Variants in ZNF235 observed in about 807,000 individuals in gnomAD.
ZNF235 encodes zfp-93.
In ZNF235, 25 loss-of-function variants were observed where a neutral mutation model predicts 29.4. The ratio of observed to expected loss-of-function variants is 0.85; its 90% CI spans 0.62 to 1.19. The LOEUF is 1.19. Among genes scored for constraint, ZNF235 ranks in the 50% most tolerant of loss-of-function variants. The pLI, the probability that ZNF235 is intolerant of heterozygous loss-of-function variation, is 0.00. For synonymous variants in ZNF235, 300 were observed against 295.3 expected, an observed-to-expected ratio of 1.02 and a Z score of -0.16; for missense variants, 788 against 885.0, an observed-to-expected ratio of 0.89 and a Z score of 1.39.
chr19:44,296,908 A>T (rs1975661549), intron 4 of ZNF235, among the ~76,000 whole-genome samples: 1 of 152,258 alleles, frequency 6.6e-6, no homozygotes, highest in Non-Finnish European at 1.5e-5. Context: ...AATAGATCAA[A>T]GAAGAAATCA....
At chr19:44,301,024 A>T (rs117417090) in intron 2 of ZNF235, among the ~76,000 whole-genome samples, 6,459 of 151,512 alleles carry the variant, frequency 0.043, 245 homozygotes, top group Non-Finnish European at 0.061. Flanking sequence ...TTAAATCTTG[A>T]GTAATTTGGT....
At chr19:44,302,970 A>ATT (rs1975766871) in intron 2 of ZNF235, among the ~76,000 whole-genome samples, 1 of 131,742 alleles carries the variant, frequency 7.6e-6, no homozygotes, top group Non-Finnish European at 1.5e-5. Flanking sequence ...ATATACGTAT[A>ATT]TATGTATATA....
intron 4 of ZNF235, 153 bp from the exon 5 acceptor site, chr19:44,289,349 T>G (rs1236792543): frequency 4.4e-6 from 3 of 677,796 alleles, no homozygotes; most frequent in Non-Finnish European, 7.1e-6. Context: ...GAAAAGCAGC[T>G]GCAACCAAGA....
At chr19:44,300,733 G>C (rs1020435299) in intron 2 of ZNF235, among the ~76,000 whole-genome samples, 3 of 151,690 alleles carry the variant, frequency 2.0e-5, no homozygotes, top group Admixed American at 6.6e-5. Context: ...CCAGCTACTC[G>C]GGGGGCTGAG....
chr19:44,302,991 A>C (rs12977181), intron 2 of ZNF235, among the ~76,000 whole-genome samples: 23 of 114,996 alleles, frequency 2.0e-4, no homozygotes, highest in East Asian at 1.2e-3. Context: ...TTTATATATA[A>C]ATATATACAT....
At position 44,304,956 on chromosome 19, in the gene ZNF235, C is replaced by T. The variant is rs1975810041; in HGVS notation, c.-49+15G>A. 1.0e-6 allele frequency: 1 copy of T among 985,150 alleles called. No individual in the cohort carries two copies. The highest frequency in any genetic ancestry group is 1.7e-5 in the African/African-American group (1 of 57,364). The allele number at this position is 985,150 out of a possible 1,614,324, so 61.0% of individuals were successfully genotyped here. ...GAGGGCTCGGAGAAGTCTTGGAGAC[C>T]CGGAGCTGACTCACCTCCCTGGGAG... is the stretch of plus-strand genomic sequence containing the variant. On this transcript the variant is annotated intron_variant, in intron 1 of 4. Coordinates refer to ENST00000291182, the MANE Select transcript of ZNF235 (RefSeq NM_004234.4).
In ZNF235 at chr19:44,288,680, G is replaced by GT; in HGVS notation, c.754dup (p.Thr252AsnfsTer4). On this transcript the variant is annotated frameshift_variant, in exon 5 of 5. Transcript: ENST00000291182. LOFTEE classifies it low-confidence loss of function (END_TRUNC). ...CTGTCCTGTGTGAATACTACGCTGG[G>GT]TAAGAGGTGATACCTTTAGGGTATC... 1 of 1,614,082 alleles carries GT rather than the reference G, an allele frequency of 6.2e-7. No individual in the cohort carries two copies. The highest frequency in any genetic ancestry group is 8.5e-7 in the Non-Finnish European group (1 of 1,180,006).
Position 44,288,671 on chromosome 19 carries a change from C to T in ZNF235, c.764G>A (p.Ser255Asn), listed in dbSNP as rs1975537181. 6.2e-7 allele frequency: 1 copy of T among 1,614,112 alleles called. No homozygotes were observed. Among genetic ancestry groups the T allele is most frequent in the East Asian group, 2.2e-5 (1 of 44,876 alleles). Residue 255 changes from serine (S) to asparagine (N), a missense_variant, in exon 5 of 5, where the codon AGT becomes AAT. Coordinates refer to ENST00000291182, the MANE Select transcript of ZNF235 (RefSeq NM_004234.4). ...GTAGGTTTTCTGTCCTGTGTGAATACTACGCTGGGTAAGAGGTGATACCTT... is the reference window on the plus strand; with the variant it reads ...GTAGGTTTTCTGTCCTGTGTGAATATTACGCTGGGTAAGAGGTGATACCTT... ...TLKVSPLTQRSIHTGQKTYQG... is the reference protein window; with the variant it reads ...TLKVSPLTQRNIHTGQKTYQG...
At position 44,289,152 on chromosome 19, in the gene ZNF235, A is replaced by G; in HGVS notation, c.283T>C (p.Leu95=). Reference sequence around the variant, plus strand: ...AGCTCTCCCAGTGAAAAGCACCTTAATCCTGCTTTGTGAAGAGTTGCCATC... The same window carrying G: ...AGCTCTCCCAGTGAAAAGCACCTTAGTCCTGCTTTGTGAAGAGTTGCCATC... ...NEMATLHKAG[L]RCFSLGELSC... Residue 95 remains leucine (L), a synonymous_variant, in exon 5 of 5, where the codon TTA becomes CTA. Coordinates refer to ENST00000291182, the MANE Select transcript of ZNF235 (RefSeq NM_004234.4). 6.2e-7 allele frequency: 1 copy of G among 1,613,964 alleles called. No homozygotes were observed.
Position 44,288,023 on chromosome 19 carries a change from C to T in ZNF235, c.1412G>A (p.Ser471Asn). ...CDECGKCFSL[S>N]FNLHSHQRVH... Reference sequence around the variant, plus strand: ...TCGTTGATGACTATGAAGATTAAAGCTCAAACTAAAGCACTTACCACACTC... The same window carrying T: ...TCGTTGATGACTATGAAGATTAAAGTTCAAACTAAAGCACTTACCACACTC... Residue 471 changes from serine (S) to asparagine (N), a missense_variant, in exon 5 of 5, where the codon AGC becomes AAC. Transcript: ENST00000291182. The T allele has an allele frequency of 2.5e-6, 4 of 1,613,984 alleles. No homozygotes were observed. Among genetic ancestry groups the T allele is most frequent in the Non-Finnish European group, 3.4e-6 (4 of 1,179,988 alleles).
rs773680891 is a variant in ZNF235, at chr19:44,289,025, T to C, written c.410A>G (p.His137Arg). The C allele has an allele frequency of 6.2e-7, 1 of 1,614,174 alleles. No homozygotes were observed. Among genetic ancestry groups the C allele is most frequent in the Non-Finnish European group, 8.5e-7 (1 of 1,180,002 alleles). The change falls in exon 5 of 5, where the codon CAT (histidine) becomes CGT (arginine). Residue 137 changes from histidine (H) to arginine (R), a missense_variant. His to Arg is a conservative substitution (Grantham distance 29). Transcript: ENST00000291182. ...TGCTCCCACTTGACAGGGGGAATCA[T>C]GGTGCTTGGGGAACTGAGAGCTCTT... is the stretch of plus-strand genomic sequence containing the variant. ...EGKSSQFPKH[H>R]DSPCQVGAGE...
chr19:44,290,214 C>G (rs1415042546), intron 4 of ZNF235: 1 of 152,946 alleles, frequency 6.5e-6, no homozygotes, highest in Non-Finnish European at 1.5e-5. Flanking sequence ...TCCAGCCCAG[C>G]CAAGATGATG....
chr19:44,287,182 G>A lies in ZNF235; in HGVS notation c.*36C>T, dbSNP rs1975497491. ...GACTTCCCAACGGAGACAAAGATGT[G>A]AGCTCTAACTGAAGGCTGAACCACA... is the stretch of plus-strand genomic sequence containing the variant. On this transcript the variant is annotated 3_prime_UTR_variant, in exon 5 of 5. Transcript: ENST00000291182. 2 of 1,529,362 alleles carry A rather than the reference G, an allele frequency of 1.3e-6. No homozygotes were observed. The highest frequency in any genetic ancestry group is 2.1e-5 in the Admixed American group (1 of 48,076). 94.7% of individuals were successfully genotyped at this position (1,529,362 alleles called of 1,614,324 possible). A position where few individuals can be genotyped will look rare whatever the true frequency, so the allele number is the denominator to read the frequency against.
At position 44,303,458 on chromosome 19, in the gene ZNF235, G is replaced by A; in HGVS notation, c.-48-6C>T. On this transcript the variant is annotated splice_polypyrimidine_tract_variant and splice_region_variant and intron_variant, in intron 1 of 4. Coordinates refer to ENST00000291182, the MANE Select transcript of ZNF235 (RefSeq NM_004234.4). ...AGAGTTCCGGGGAAGTGAACCTGAGGGAGGGAAAGGCATCATGAGATAGGT... is the reference window on the plus strand; with the variant it reads ...AGAGTTCCGGGGAAGTGAACCTGAGAGAGGGAAAGGCATCATGAGATAGGT... 21 of 1,599,792 alleles carry A rather than the reference G, an allele frequency of 1.3e-5. No individual in the cohort carries two copies. Among genetic ancestry groups the A allele is most frequent in the Non-Finnish European group, 1.7e-5 (20 of 1,171,204 alleles).
intron 2 of ZNF235, among the ~76,000 whole-genome samples, chr19:44,302,046 TTAGAATTAAAGAAAG>T (rs1248330863): frequency 6.6e-6 from 1 of 152,226 alleles, no homozygotes; most frequent in Non-Finnish European, 1.5e-5. Flanking sequence ...AAGGTTTTAC[TTAGAATTAAAGAAAG>T]AAATCTAGCT....
rs763372142 is a variant in ZNF235, at chr19:44,289,049, T to C, written c.386A>G (p.Lys129Arg). 1.0e-4 allele frequency: 164 copies of C among 1,614,038 alleles called. No individual in the cohort carries two copies. Among genetic ancestry groups the C allele is most frequent in the Non-Finnish European group, 1.3e-4 (157 of 1,180,022 alleles). Reference sequence around the variant, plus strand: ...ATGGTGCTTGGGGAACTGAGAGCTCTTTCCTTCAATATTTATCATGGAGTC... The same window carrying C: ...ATGGTGCTTGGGGAACTGAGAGCTCCTTCCTTCAATATTTATCATGGAGTC... ...SQDSMINIEGKSSQFPKHHDS... is the reference protein window; with the variant it reads ...SQDSMINIEGRSSQFPKHHDS... Residue 129 changes from lysine to arginine, a missense_variant, in exon 5 of 5, where the codon AAG (lysine) becomes AGG (arginine). By Grantham distance (26) the Lys-to-Arg change is conservative. Coordinates refer to ENST00000291182, the MANE Select transcript of ZNF235 (RefSeq NM_004234.4).
chr19:44,303,343 T>C, intron 2 of ZNF235, 47 bp downstream of exon 2: 1 of 1,601,376 alleles, frequency 6.2e-7, no homozygotes, highest in Non-Finnish European at 8.6e-7. Flanking sequence ...CCAATCTTTG[T>C]GAAATGAGAT....
intron 2 of ZNF235, among the ~76,000 whole-genome samples, chr19:44,302,075 T>A (rs1241823945): frequency 6.6e-6 from 1 of 152,238 alleles, no homozygotes; most frequent in African/African-American, 2.4e-5. Flanking sequence ...TCTAGCTCGT[T>A]TGAAACTAAA....
chr19:44,299,020 AT>A (rs907095707), intron 3 of ZNF235, 117 bp from the exon 4 acceptor site: 460 of 625,786 alleles, frequency 7.4e-4, no homozygotes, highest in South Asian at 1.5e-3. Flanking sequence ...TTTAGGGAAC[AT>A]TTTTTTTTGT....
Sources: gnomAD v4.1 joint callset for allele counts (sites outside exome capture counted in the v4.1 genomes callset) on GRCh38, gnomAD v4.1.1 for gene constraint, MANE v1.5 for transcripts, NCBI Gene and HGNC (gene_info 2026-07-23, HGNC 2026-07-21) for gene names.